R3HDM2: variants seen among roughly 807,000 people sequenced by gnomAD.
R3HDM2 encodes R3H domain-containing protein 2.
R3HDM2 carries 38 observed loss-of-function variants against 124.5 expected under a neutral mutation model. That is an observed-to-expected ratio of 0.31 (90% CI 0.24 to 0.40). The LOEUF is 0.40. Among genes scored for constraint, R3HDM2 ranks in the 10% least tolerant of loss-of-function variants. R3HDM2 has a pLI of 1.00. For synonymous variants in R3HDM2, 391 were observed against 448.0 expected (o/e 0.87, Z 1.61); for missense variants, 869 against 1,236.9 (o/e 0.70, Z 4.46).
Position 57,266,850 on chromosome 12 carries a change from G to A in R3HDM2, c.2031-19C>T. 2 of 1,520,368 alleles carry A rather than the reference G, an allele frequency of 1.3e-6. No homozygotes were observed. The highest frequency in any genetic ancestry group is 1.2e-5 in the South Asian group (1 of 86,868). 94.2% of individuals were successfully genotyped at this position (1,520,368 alleles called of 1,614,324 possible). On this transcript the variant is annotated intron_variant, in intron 18 of 23. Transcript: ENST00000402412. Reference sequence around the variant, plus strand: ...AGAAGGGCTGGGAAGACAGAGAAGAGAGGAGTGGTGAAGCAGTAGAGGGAT... The same window carrying A: ...AGAAGGGCTGGGAAGACAGAGAAGAAAGGAGTGGTGAAGCAGTAGAGGGAT...
At position 57,372,296 on chromosome 12, in the gene R3HDM2, T is replaced by C. The variant is rs530915982; in HGVS notation, c.-36+23453A>G. On this transcript the variant is annotated intron_variant, in intron 2 of 23. Coordinates refer to ENST00000402412, the MANE Select transcript of R3HDM2 (RefSeq NM_001394031.1). The stretch of plus-strand genomic sequence containing the variant: ...CCTAATGAGCAGTGGTGAAAAAACA[T>C]AGTGCTCCATTCAGCTCCCAACAAT... Among the ~76,000 whole-genome samples the C allele has an allele frequency of 3.9e-5, 6 of 152,178 alleles. No individual in the cohort carries two copies. The East Asian group carries it at 5.8e-4, about 15-fold the overall frequency.
At chr12:57,412,359 T>C (rs758954825) in intron 1 of R3HDM2, among the ~76,000 whole-genome samples, 5 of 151,532 alleles carry the variant, frequency 3.3e-5, no homozygotes, top group Middle Eastern at 3.4e-3. Flanking sequence ...CTGACCAACA[T>C]TGTGAAACCT....
intron 9 of R3HDM2, 177 bp from the exon 10 acceptor site, chr12:57,295,684 T>C (rs2049635227): frequency 1.7e-6 from 1 of 578,176 alleles, no homozygotes; most frequent in African/African-American, 1.9e-5. Context: ...CTGTACTTTA[T>C]ACATCTATAA....
intron 2 of R3HDM2, among the ~76,000 whole-genome samples, chr12:57,375,754 C>G (rs2063974361): frequency 6.6e-6 from 1 of 151,096 alleles, no homozygotes; most frequent in African/African-American, 2.4e-5. Context: ...CTCACTACAA[C>G]CTCTGACTCC....
chr12:57,402,823 C>T (rs1309612047), intron 1 of R3HDM2, among the ~76,000 whole-genome samples: 1 of 152,018 alleles, frequency 6.6e-6, no homozygotes, highest in Non-Finnish European at 1.5e-5. Context: ...TCCCAAAATG[C>T]TGGGATTACA....
Position 57,281,548 on chromosome 12 carries a change from C to T in R3HDM2, c.1172-1018G>A, listed in dbSNP as rs150009039. Among the ~76,000 whole-genome samples the T allele has an allele frequency of 5.4e-3, 826 of 151,688 alleles. 5 individuals carry two copies. The highest frequency in any genetic ancestry group is 0.019 in the African/African-American group (790 of 41,324). On this transcript the variant is annotated intron_variant, in intron 13 of 23. Transcript: ENST00000402412. Reference sequence around the variant, plus strand: ...TCGCCCAGGCTGGAATGCAGTGGCACGATCTTGGCTCACTGCAACCTCCAC... The same window carrying T: ...TCGCCCAGGCTGGAATGCAGTGGCATGATCTTGGCTCACTGCAACCTCCAC...
Position 57,258,009 on chromosome 12 carries a change from C to T in R3HDM2, c.2430G>A (p.Arg810=). 6.4e-7 allele frequency: 1 copy of T among 1,570,168 alleles called. No homozygotes were observed. Among genetic ancestry groups the T allele is most frequent in the Non-Finnish European group, 8.7e-7 (1 of 1,151,164 alleles). ...CCCTACCCTGTGCTGGACCCCCAGG[C>T]CGGGGGAACTGTGTGAGGACAGGCA... ...SPLPVLTQFP[R]PGGPAQGDGR... Residue 810 remains arginine (R), a synonymous_variant, in exon 21 of 24, where the codon CGG becomes CGA. Transcript: ENST00000402412.
rs557177962 is a variant in R3HDM2 at position 57,269,399 on chromosome 12, T to C, written c.1638A>G (p.Gln546=). ...CCACCGGGTGAGAGAGAGGTCGATA[T>C]TGCTGGTTGGAGTTAGGATATTGTC... ...PPGQYPNSNQ[Q]YRPLSHPVAY... is the part of the protein sequence containing the mutation. The change falls in exon 16 of 24, where the codon CAA becomes CAG. Residue 546 remains glutamine (Q), a synonymous_variant. Coordinates refer to ENST00000402412, the MANE Select transcript of R3HDM2 (RefSeq NM_001394031.1). The C allele has an allele frequency of 3.1e-6, 5 of 1,614,134 alleles. No homozygotes were observed. In the African/African-American group the frequency reaches 6.7e-5, roughly 22 times the overall value.
intron 2 of R3HDM2, among the ~76,000 whole-genome samples, chr12:57,339,773 A>G (rs2059334107): frequency 1.3e-5 from 2 of 152,058 alleles, no homozygotes; most frequent in South Asian, 4.1e-4. Flanking sequence ...CTAGGAGAGG[A>G]AGATATCAGA....
intron 3 of R3HDM2, among the ~76,000 whole-genome samples, chr12:57,307,680 G>C (rs1302139678): frequency 4.7e-4 from 71 of 149,724 alleles, no homozygotes; most frequent in Non-Finnish European, 8.3e-4. Context: ...AGGCTGGAGT[G>C]CAGTGGTACA....
At chr12:57,377,076 C>A (rs1018223826) in intron 2 of R3HDM2, among the ~76,000 whole-genome samples, 1 of 13,438 alleles carries the variant, frequency 7.4e-5, no homozygotes, top group Non-Finnish European at 1.8e-4. Context: ...CTTGGGTCCA[C>A]GCTAAATAAA....
intron 1 of R3HDM2, among the ~76,000 whole-genome samples, chr12:57,417,608 T>G (rs944399979): frequency 6.6e-6 from 1 of 152,240 alleles, no homozygotes; most frequent in Non-Finnish European, 1.5e-5. Flanking sequence ...GTTCTTTTTT[T>G]GTATGTCTTG....
chr12:57,379,357 G>A (rs2064529297), intron 2 of R3HDM2, among the ~76,000 whole-genome samples: 1 of 152,136 alleles, frequency 6.6e-6, no homozygotes. Context: ...GAGGCAGGCA[G>A]ATCACCTGAG....
intron 1 of R3HDM2, among the ~76,000 whole-genome samples, chr12:57,429,911 C>T (rs1869293853): frequency 6.6e-6 from 1 of 152,140 alleles, no homozygotes; most frequent in South Asian, 2.1e-4. Flanking sequence ...CTGTCACTTT[C>T]CTCCTTCCTT....
At chr12:57,306,434 G>T (rs570494614) in intron 3 of R3HDM2, among the ~76,000 whole-genome samples, 1 of 151,282 alleles carries the variant, frequency 6.6e-6, no homozygotes, top group African/African-American at 2.4e-5. Context: ...TTTTGAGATG[G>T]AGTCTCGCTC....
intron 1 of R3HDM2, among the ~76,000 whole-genome samples, chr12:57,429,720 A>C (rs902200839): frequency 6.9e-6 from 1 of 145,152 alleles, no homozygotes; most frequent in Non-Finnish European, 1.5e-5. Flanking sequence ...CTCAAAAAAC[A>C]AAATACAACC....
intron 2 of R3HDM2, among the ~76,000 whole-genome samples, chr12:57,384,914 C>T (rs2065473939): frequency 1.3e-5 from 2 of 152,090 alleles, no homozygotes; most frequent in Admixed American, 6.6e-5. Context: ...TTTGGGAGGC[C>T]GAGGCGGGTG....
At chr12:57,413,266 A>AT (rs2139342194) in intron 1 of R3HDM2, among the ~76,000 whole-genome samples, 1 of 152,234 alleles carries the variant, frequency 6.6e-6, no homozygotes, top group East Asian at 1.9e-4. Context: ...GCAAGTCACC[A>AT]TAACTACTCA....
chr12:57,422,371 T>C (rs951746654), intron 1 of R3HDM2, among the ~76,000 whole-genome samples: 6 of 152,156 alleles, frequency 3.9e-5, no homozygotes, highest in Non-Finnish European at 1.5e-5. Context: ...TCTCTAGTCT[T>C]TTCTGTAATT....
Sources: allele counts gnomAD v4.1 joint callset (sites outside exome capture counted in the v4.1 genomes callset), GRCh38; gene constraint gnomAD v4.1.1; transcripts MANE v1.5; gene names NCBI Gene and HGNC (gene_info 2026-07-23, HGNC 2026-07-21).